TNIK: variants seen among roughly 807,000 people sequenced by gnomAD.
TNIK encodes the protein TRAF2 and NCK interacting kinase, also known as TRAF2 and NCK-interacting protein kinase.
TNIK carries 49 observed loss-of-function variants against 191.3 expected under a neutral mutation model. That is an observed-to-expected ratio of 0.26 (90% CI 0.20 to 0.32). TNIK has a LOEUF of 0.32. Among genes scored for constraint, TNIK ranks in the 10% least tolerant of loss-of-function variants. The pLI is 1.00. For missense variants in TNIK, 1,155 were observed against 1,702.3 expected (o/e 0.68, Z 5.66); for synonymous variants, 594 against 600.9 (o/e 0.99, Z 0.17).
At chr3:171,112,000 C>A (rs936498190) in intron 18 of TNIK, among the ~76,000 whole-genome samples, 3 of 152,062 alleles carry the variant, frequency 2.0e-5, no homozygotes, top group African/African-American at 7.2e-5. Context: ...CTACTGTACA[C>A]CATGGTGAGT....
chr3:171,134,144 A>G (rs1729668566), intron 15 of TNIK, among the ~76,000 whole-genome samples: 1 of 152,180 alleles, frequency 6.6e-6, no homozygotes, highest in East Asian at 1.9e-4. Context: ...CATCATCCAA[A>G]AAGTGAGGAA....
At position 171,173,839 on chromosome 3, in the gene TNIK, A is replaced by C. The variant is rs756628683; in HGVS notation, c.773+1413T>G. On this transcript the variant is annotated intron_variant, in intron 9 of 32. Coordinates refer to ENST00000436636, the MANE Select transcript of TNIK (RefSeq NM_015028.4). ...CAGATATCAAGCAGGAACCTAGCAG[A>C]GGGCTTTGTAGTGTCACTGTCACTT... 1.2e-4 allele frequency among the ~76,000 whole-genome samples: 18 copies of C among 152,234 alleles called. 1 individual carries two copies. The South Asian group carries it at 1.2e-3, about 11-fold the overall frequency.
chr3:171,281,621 T>TTA (rs1462544226), intron 2 of TNIK, among the ~76,000 whole-genome samples: 20 of 152,228 alleles, frequency 1.3e-4, no homozygotes, highest in African/African-American at 4.6e-4. Context: ...ACTTTAAGTA[T>TTA]TATTTATATT....
At chr3:171,164,728 C>T (rs1268731083) in intron 10 of TNIK, among the ~76,000 whole-genome samples, 1 of 152,168 alleles carries the variant, frequency 6.6e-6, no homozygotes, top group African/African-American at 2.4e-5. Flanking sequence ...TAAAATATGC[C>T]CTTAAAAATT....
intron 3 of TNIK, among the ~76,000 whole-genome samples, chr3:171,219,033 A>G (rs1741870625): frequency 1.2e-5 from 1 of 81,196 alleles, no homozygotes; most frequent in African/African-American, 6.6e-5. Flanking sequence ...TAGTGTATTA[A>G]TTATATTAAA....
intron 12 of TNIK, among the ~76,000 whole-genome samples, chr3:171,156,263 C>T (rs1416360351): frequency 6.6e-6 from 1 of 152,168 alleles, no homozygotes; most frequent in Non-Finnish European, 1.5e-5. Flanking sequence ...ATTTGAAGGA[C>T]ATAATGAGGT....
intron 12 of TNIK, among the ~76,000 whole-genome samples, chr3:171,141,961 C>A (rs747410890): frequency 2.0e-5 from 3 of 152,206 alleles, no homozygotes; most frequent in Admixed American, 6.5e-5. Flanking sequence ...GTTTTTTACA[C>A]AAGTTCTGTG....
At chr3:171,279,509 T>G (rs1037494916) in intron 2 of TNIK, among the ~76,000 whole-genome samples, 4 of 152,198 alleles carry the variant, frequency 2.6e-5, no homozygotes, top group African/African-American at 9.7e-5. Context: ...GCCCTCCCAC[T>G]GCAAATACAT....
At chr3:171,096,076 A>G (rs1168735069) in intron 22 of TNIK, among the ~76,000 whole-genome samples, 6 of 152,184 alleles carry the variant, frequency 3.9e-5, no homozygotes, top group Non-Finnish European at 2.9e-5. Context: ...ATATAAAGCC[A>G]ATAAATCAAT....
chr3:171,410,737 C>T (rs1430301634), intron 1 of TNIK, among the ~76,000 whole-genome samples: 3 of 144,398 alleles, frequency 2.1e-5, no homozygotes, highest in African/African-American at 7.9e-5. Flanking sequence ...CGAGATCGCG[C>T]CACTGCACTC....
chr3:171,091,313 G>A (rs1271888508), intron 23 of TNIK, among the ~76,000 whole-genome samples: 4 of 152,202 alleles, frequency 2.6e-5, no homozygotes, highest in Admixed American at 2.0e-4. Flanking sequence ...GCTGGTTGAA[G>A]TGGGACATTT....
At chr3:171,318,397 A>G (rs1482288241) in intron 2 of TNIK, among the ~76,000 whole-genome samples, 1 of 152,174 alleles carries the variant, frequency 6.6e-6, no homozygotes, top group Non-Finnish European at 1.5e-5. Context: ...TTATTTACTA[A>G]TGGTCTTAAA....
At chr3:171,315,942 G>C (rs983327948) in intron 2 of TNIK, among the ~76,000 whole-genome samples, 1 of 151,984 alleles carries the variant, frequency 6.6e-6, no homozygotes, top group Non-Finnish European at 1.5e-5. Flanking sequence ...TCATATATTC[G>C]GGGAGATACA....
intron 1 of TNIK, among the ~76,000 whole-genome samples, chr3:171,414,700 G>A (rs1032700348): frequency 5.3e-5 from 8 of 152,094 alleles, no homozygotes; most frequent in Admixed American, 5.2e-4. Flanking sequence ...AAAACTATTC[G>A]CATATCTTTA....
chr3:171,255,806 C>T (rs1746780126), intron 2 of TNIK, among the ~76,000 whole-genome samples: 1 of 152,148 alleles, frequency 6.6e-6, no homozygotes, highest in Admixed American at 6.5e-5. Context: ...AAACATTCTT[C>T]TGTTTGGAAG....
chr3:171,079,717 C>G (rs906586067), intron 27 of TNIK, 65 bp from the exon 28 acceptor site: 138 of 1,501,366 alleles, frequency 9.2e-5, no homozygotes, highest in Non-Finnish European at 1.2e-4. Flanking sequence ...CCTTCCCCAC[C>G]TCCATTTATT....
intron 18 of TNIK, among the ~76,000 whole-genome samples, chr3:171,119,637 C>T (rs1406268486): frequency 6.6e-6 from 1 of 152,126 alleles, no homozygotes; most frequent in East Asian, 1.9e-4. Context: ...AAGTTCATGT[C>T]CTTTGTAGGG....
intron 12 of TNIK, among the ~76,000 whole-genome samples, chr3:171,145,431 A>G (rs1731426793): frequency 6.6e-6 from 1 of 151,768 alleles, no homozygotes; most frequent in Admixed American, 6.6e-5. Flanking sequence ...CTGGCTATAC[A>G]CCCAGTGGTG....
At chr3:171,398,139 T>C (rs975883299) in intron 1 of TNIK, among the ~76,000 whole-genome samples, 3 of 152,212 alleles carry the variant, frequency 2.0e-5, no homozygotes, top group Admixed American at 6.5e-5. Flanking sequence ...TCACAGTAAA[T>C]AGCACAGACT....
Sources: allele counts gnomAD v4.1 joint callset (sites outside exome capture counted in the v4.1 genomes callset), GRCh38; gene constraint gnomAD v4.1.1; transcripts MANE v1.5; gene names NCBI Gene and HGNC (gene_info 2026-07-23, HGNC 2026-07-21).